The following ZNF749 variants were observed in gnomAD, a reference collection of about 807,000 sequenced individuals.
ZNF749 encodes the protein zinc finger protein 749.
In ZNF749, 8 loss-of-function variants were observed where a neutral mutation model predicts 7.3. The observed-to-expected ratio is 1.10, with a 90% CI of 0.64 to 1.98. The LOEUF (loss-of-function observed/expected upper bound fraction) is 1.98, where lower values mean the gene tolerates loss of function less well. ZNF749 is among the 30% of genes most tolerant of loss of function. The pLI is 0.00. For synonymous variants in ZNF749, 310 were observed against 322.4 expected (o/e 0.96, Z 0.41); for missense variants, 898 against 932.4 (o/e 0.96, Z 0.48).
rs756065165 is a variant in ZNF749, at chr19:57,444,900, T to C, written c.1752T>C (p.Tyr584=). Residue 584 remains tyrosine, a synonymous_variant, in exon 3 of 3, where the codon TAT becomes TAC. Transcript: ENST00000334181. ...HQKIQTGERR[Y]ECNECGKFFL... is the part of the protein sequence containing the mutation. ...AAATCCAGACTGGAGAACGGCGTTA[T>C]GAATGCAATGAATGTGGGAAATTCT... 1.9e-6 allele frequency: 3 copies of C among 1,614,184 alleles called. No individual in the cohort carries two copies. The highest frequency in any genetic ancestry group is 1.7e-6 in the Non-Finnish European group (2 of 1,180,010).
chr19:57,445,575 A>G lies in ZNF749; in HGVS notation c.*90A>G, dbSNP rs1245753088. The G allele has an allele frequency of 6.6e-7, 1 of 1,504,014 alleles. No individual in the cohort carries two copies. Among genetic ancestry groups the G allele is most frequent in the African/African-American group, 1.4e-5 (1 of 71,352 alleles). 93.2% of individuals were successfully genotyped at this position (1,504,014 alleles called of 1,614,324 possible). On this transcript the variant is annotated 3_prime_UTR_variant, in exon 3 of 3. Coordinates refer to ENST00000334181, the MANE Select transcript of ZNF749 (RefSeq NM_001023561.4). ...ACCAAGAACCTATTAATATATGTAAATCTAATGTTGAAAGAGTTCAGATGG... is the reference window on the plus strand; with the variant it reads ...ACCAAGAACCTATTAATATATGTAAGTCTAATGTTGAAAGAGTTCAGATGG...
At chr19:57,441,414 CAGAG>C (rs2088988040) in intron 1 of ZNF749, among the ~76,000 whole-genome samples, 2 of 152,086 alleles carry the variant, frequency 1.3e-5, no homozygotes, top group South Asian at 4.1e-4. Context: ...TGAGTGATGA[CAGAG>C]AGGCTAATGG....
Position 57,442,837 on chromosome 19 carries a change from C to T in ZNF749, c.143-454C>T, listed in dbSNP as rs1221863577. ...TCTGACCCCTGGCTTCCACCTCTGA[C>T]CCCTCCTCTCCAGCCTTCATCTCTC... On this transcript the variant is annotated intron_variant, in intron 2 of 2. Transcript: ENST00000334181. This position sits in a 1 kb window ranked among gnomAD's most constrained non-coding sequence, Gnocchi z 6.6. 6.6e-6 allele frequency among the ~76,000 whole-genome samples: 1 copy of T among 152,130 alleles called. No homozygotes were observed. The highest frequency in any genetic ancestry group is 1.5e-5 in the Non-Finnish European group (1 of 68,030).
At chr19:57,433,640 G>A (rs1454447074), upstream of ZNF749, among the ~76,000 whole-genome samples, 2 of 148,110 alleles carry the variant, frequency 1.4e-5, no homozygotes, top group African/African-American at 2.5e-5. Context: ...TTTTTAAACT[G>A]GTTGGCAAAC....
rs770767135 is a variant in ZNF749 at position 57,435,365 on chromosome 19, C to G, written c.-214C>G. ...CTCATGGTTGCGTTAGCATGGCTACCTAGGGATCTGTTCACTGATTTAGAG... is the reference window on the plus strand; with the variant it reads ...CTCATGGTTGCGTTAGCATGGCTACGTAGGGATCTGTTCACTGATTTAGAG... On this transcript the variant is annotated 5_prime_UTR_variant, in exon 1 of 3. Transcript: ENST00000334181. 1.6e-4 allele frequency: 111 copies of G among 679,912 alleles called. No homozygotes were observed. The highest frequency in any genetic ancestry group is 1.0e-3 in the Admixed American group (37 of 37,144). The allele number at this position is 679,912 out of a possible 1,614,324, so 42.1% of individuals were successfully genotyped here. A position where few individuals can be genotyped will look rare whatever the true frequency, so the allele number is the denominator to read the frequency against.
chr19:57,440,011 G>A (rs1401750169), intron 1 of ZNF749, among the ~76,000 whole-genome samples: 1 of 152,148 alleles, frequency 6.6e-6, no homozygotes, highest in Admixed American at 6.5e-5. Flanking sequence ...GGATGGTGTT[G>A]GTGGGTGTCA....
chr19:57,438,469 C>T, intron 1 of ZNF749: 1 of 185,426 alleles, frequency 5.4e-6, no homozygotes, highest in Non-Finnish European at 1.1e-5. Flanking sequence ...TTTCTTTCGT[C>T]TTAAGTTTTC....
Position 57,444,381 on chromosome 19 carries a change from G to A in ZNF749, c.1233G>A (p.Lys411=). The A allele has an allele frequency of 6.2e-7, 1 of 1,614,120 alleles. No homozygotes were observed. ...QRVHAGKRLY[K]CSECGKAFSL... is the part of the protein sequence containing the mutation. ...TTCATGCTGGCAAAAGGCTTTATAAGTGTAGCGAATGTGGGAAAGCCTTTA... is the reference window on the plus strand; with the variant it reads ...TTCATGCTGGCAAAAGGCTTTATAAATGTAGCGAATGTGGGAAAGCCTTTA... The change falls in exon 3 of 3, where the codon AAG becomes AAA. Residue 411 remains lysine, a synonymous_variant. Coordinates refer to ENST00000334181, the MANE Select transcript of ZNF749 (RefSeq NM_001023561.4).
At chr19:57,431,243 T>A (rs1320236818), upstream of ZNF749, among the ~76,000 whole-genome samples, 1 of 152,204 alleles carries the variant, frequency 6.6e-6, no homozygotes, top group African/African-American at 2.4e-5. Context: ...TTCATTCCAA[T>A]AAAAAACTAC....
At chr19:57,435,194 A>C, upstream of ZNF749, 1 of 344,808 alleles carries the variant, frequency 2.9e-6, no homozygotes, top group Admixed American at 4.5e-5. Flanking sequence ...ATTACCCAGA[A>C]GACACTGCGG....
At chr19:57,433,313 TCTGGCTTC>T (rs2088908442), upstream of ZNF749, among the ~76,000 whole-genome samples, 1 of 152,230 alleles carries the variant, frequency 6.6e-6, no homozygotes, top group Non-Finnish European at 1.5e-5. Flanking sequence ...TGGGATGTTG[TCTGGCTTC>T]CTGGCCTTGT....
chr19:57,440,853 C>T (rs915380887), intron 1 of ZNF749, among the ~76,000 whole-genome samples: 5 of 151,920 alleles, frequency 3.3e-5, no homozygotes, highest in African/African-American at 7.3e-5. Flanking sequence ...GCCGGCCGGG[C>T]GCAGTGGCTC....
At chr19:57,432,668 T>C (rs1316574616), upstream of ZNF749, among the ~76,000 whole-genome samples, 4 of 150,866 alleles carry the variant, frequency 2.7e-5, no homozygotes, top group Non-Finnish European at 5.9e-5. Context: ...TAACTTAACA[T>C]GTCATCATGG....
rs1439315046 is a variant in ZNF749, at chr19:57,442,501, T to C, written c.142+490T>C. Among the ~76,000 whole-genome samples the C allele has an allele frequency of 6.6e-6, 1 of 152,168 alleles. No individual in the cohort carries two copies. The highest frequency in any genetic ancestry group is 1.5e-5 in the Non-Finnish European group (1 of 68,028). On this transcript the variant is annotated intron_variant, in intron 2 of 2. Coordinates refer to ENST00000334181, the MANE Select transcript of ZNF749 (RefSeq NM_001023561.4). The surrounding 1 kb of genome is among the most constrained non-coding windows in gnomAD (Gnocchi z 6.6). ...ATGCAGCATGTCCTGGGTTTATTGC[T>C]CTGTGTACATGCTGTCCCCTCCCTT...
chr19:57,433,964 C>G (rs1475180623), upstream of ZNF749, among the ~76,000 whole-genome samples: 1 of 152,114 alleles, frequency 6.6e-6, no homozygotes, highest in Admixed American at 6.5e-5. Context: ...TGTCCTGTAC[C>G]TACAGTCCCA....
chr19:57,442,555 G>A lies in ZNF749; in HGVS notation c.142+544G>A, dbSNP rs183945045. On this transcript the variant is annotated intron_variant, in intron 2 of 2. Coordinates refer to ENST00000334181, the MANE Select transcript of ZNF749 (RefSeq NM_001023561.4). The surrounding 1 kb of genome is among the most constrained non-coding windows in gnomAD (Gnocchi z 6.6). ...CTGCCTTTCCCGTAGCTGGACTTATGCCGCAGCTAGATAGTTGCTCACCTT... is the reference window on the plus strand; with the variant it reads ...CTGCCTTTCCCGTAGCTGGACTTATACCGCAGCTAGATAGTTGCTCACCTT... Among the ~76,000 whole-genome samples, 29 of 152,214 alleles carry A rather than the reference G, an allele frequency of 1.9e-4. No individual in the cohort carries two copies. The highest frequency in any genetic ancestry group is 1.4e-3 in the Admixed American group (21 of 15,280).
rs755842075 is a variant in ZNF749 at position 57,443,874 on chromosome 19, T to C, written c.726T>C (p.Tyr242=). 2.5e-6 allele frequency: 4 copies of C among 1,613,636 alleles called. No individual in the cohort carries two copies. The East Asian group carries it at 8.9e-5, about 36-fold the overall frequency. The change falls in exon 3 of 3, where the codon TAT becomes TAC. Residue 242 remains tyrosine, a synonymous_variant. Coordinates refer to ENST00000334181, the MANE Select transcript of ZNF749 (RefSeq NM_001023561.4). ...LFRYNSNLIK[Y]QQNHAGERPY... The stretch of plus-strand genomic sequence containing the variant: ...GGTACAACTCCAACCTTATTAAATA[T>C]CAGCAAAATCATGCTGGAGAAAGGC...
chr19:57,443,552 A>G lies in ZNF749; in HGVS notation c.404A>G (p.Glu135Gly). 6.2e-7 allele frequency: 1 copy of G among 1,614,258 alleles called. No homozygotes were observed. Among genetic ancestry groups the G allele is most frequent in the Non-Finnish European group, 8.5e-7 (1 of 1,180,040 alleles). ...QIREKLTRSDEWRPSFVNHSA... is the reference protein window; with the variant it reads ...QIREKLTRSDGWRPSFVNHSA... ...AGAGAGAAGCTCACCAGAAGTGATG[A>G]GTGGAGGCCTTCATTTGTGAACCAC... The change falls in exon 3 of 3, where the codon GAG becomes GGG. Residue 135 changes from glutamate to glycine, a missense_variant. Transcript: ENST00000334181.
In ZNF749 at chr19:57,436,660, CA is replaced by C. The variant is rs940547735; in HGVS notation, c.15+1071del. On this transcript the variant is annotated intron_variant, in intron 1 of 2. Coordinates refer to ENST00000334181, the MANE Select transcript of ZNF749 (RefSeq NM_001023561.4). The surrounding 1 kb of genome is among the most constrained non-coding windows in gnomAD (Gnocchi z 4.0). Reference sequence around the variant, plus strand: ...GATAAGGCCATGCAGCAACTGGGTCCAAAACTGGGCAGGGCTTTCTCACATC... The same window carrying C: ...GATAAGGCCATGCAGCAACTGGGTCCAAACTGGGCAGGGCTTTCTCACATC... 2.0e-5 allele frequency among the ~76,000 whole-genome samples: 3 copies of C among 152,206 alleles called. No homozygotes were observed. The highest frequency in any genetic ancestry group is 2.4e-5 in the African/African-American group (1 of 41,454).
Sources: gnomAD v4.1 joint callset for allele counts (sites outside exome capture counted in the v4.1 genomes callset) on GRCh38, gnomAD v4.1.1 for gene constraint, Gnocchi (gnomAD v3.1) non-coding constraint, MANE v1.5 for transcripts, NCBI Gene and HGNC (gene_info 2026-07-23, HGNC 2026-07-21) for gene names.